SLC44A4: variants seen among roughly 807,000 people sequenced by gnomAD.
SLC44A4 encodes choline transporter-like protein 4.
Under a neutral mutation model 97.0 loss-of-function variants are expected in SLC44A4, and 74 were observed. The ratio of observed to expected loss-of-function variants is 0.76; its 90% confidence interval spans 0.63 to 0.93. SLC44A4 has a LOEUF of 0.93. Among genes scored for constraint, SLC44A4 ranks in the 40% least tolerant of loss-of-function variants. SLC44A4 has a pLI of 0.00. For synonymous variants in SLC44A4, 325 were observed against 363.8 expected, an observed-to-expected ratio of 0.89 and a Z score of 1.21; for missense variants, 799 against 902.9, an observed-to-expected ratio of 0.88 and a Z score of 1.48.
rs139832355 is a variant in SLC44A4, at chr6:31,870,689, C to T, written c.951G>A (p.Ala317=). 112 of 1,611,240 alleles carry T rather than the reference C, an allele frequency of 7.0e-5. No individual in the cohort carries two copies. The highest frequency in any genetic ancestry group is 9.1e-5 in the Non-Finnish European group (107 of 1,179,232). The change falls in exon 11 of 21, where the codon GCG becomes GCA. Residue 317 remains alanine (A), a synonymous_variant. Transcript: ENST00000229729. ...TCAGCAGCAGGATGGCTTCAAGCACCGCCAACACGATCACTGCAGAGGACG... is the reference window on the plus strand; with the variant it reads ...TCAGCAGCAGGATGGCTTCAAGCACTGCCAACACGATCACTGCAGAGGACG... ...ETWLAALIVL[A]VLEAILLLML...
Position 31,878,574 on chromosome 6 carries a change from G to A in SLC44A4, c.40+367C>T, listed in dbSNP as rs907046429. Among the ~76,000 whole-genome samples the A allele has an allele frequency of 1.3e-5, 2 of 152,072 alleles. No homozygotes were observed. Among genetic ancestry groups the A allele is most frequent in the African/African-American group, 4.8e-5 (2 of 41,412 alleles). On this transcript the variant is annotated intron_variant, in intron 1 of 20. Coordinates refer to ENST00000229729, the MANE Select transcript of SLC44A4 (RefSeq NM_025257.3). The surrounding 1 kb of genome is among the most constrained non-coding windows in gnomAD (Gnocchi z 4.0). Reference sequence around the variant, plus strand: ...CAGCACAGGACACTCCCAGCATCCAGCCCTATTCTGCTCAGGGCCCCAACC... The same window carrying A: ...CAGCACAGGACACTCCCAGCATCCAACCCTATTCTGCTCAGGGCCCCAACC...
Position 31,864,754 on chromosome 6 carries a change from T to C in SLC44A4, c.1927-18A>G. The C allele has an allele frequency of 6.2e-7, 1 of 1,613,690 alleles. No homozygotes were observed. ...ATGGAGGTCTGGAAGACATGACCCGTTGGGGTTATTGGGTTCCTCTGGGGA... is the reference window on the plus strand; with the variant it reads ...ATGGAGGTCTGGAAGACATGACCCGCTGGGGTTATTGGGTTCCTCTGGGGA... On this transcript the variant is annotated intron_variant, in intron 19 of 20. Coordinates refer to ENST00000229729, the MANE Select transcript of SLC44A4 (RefSeq NM_025257.3).
In SLC44A4 at chr6:31,865,300, G is replaced by C. The variant is rs745870866; in HGVS notation, c.1760+15C>G. ...CAGAGGAGGGAGCCACAAAGCGGGG[G>C]GGGAGCAGCCTAACCTGACAATGTT... On this transcript the variant is annotated intron_variant, in intron 17 of 20. Transcript: ENST00000229729. The surrounding 1 kb of genome is among the most constrained non-coding windows in gnomAD (Gnocchi z 5.2). 8 of 1,613,948 alleles carry C rather than the reference G, an allele frequency of 5.0e-6. No homozygotes were observed. The highest frequency in any genetic ancestry group is 1.7e-5 in the Admixed American group (1 of 60,000).
At position 31,877,154 on chromosome 6, in the gene SLC44A4, C is replaced by T. The variant is rs1763493359; in HGVS notation, c.41-72G>A. 6.7e-7 allele frequency: 1 copy of T among 1,485,912 alleles called. No individual in the cohort carries two copies. The highest frequency in any genetic ancestry group is 1.4e-5 in the African/African-American group (1 of 72,572). The allele number at this position is 1,485,912 out of a possible 1,614,324, so 92.0% of individuals were successfully genotyped here. On this transcript the variant is annotated intron_variant, in intron 1 of 20. Transcript: ENST00000229729. This position sits in a 1 kb window ranked among gnomAD's most constrained non-coding sequence, Gnocchi z 6.5. ...ATCTTGTCCTGCTGAGTCCTCCTAG[C>T]CCCAGGATCCTACCCAGGCCTCAGG...
At chr6:31,873,526 C>T (rs763547299) in intron 7 of SLC44A4, among the ~76,000 whole-genome samples, 6 of 151,656 alleles carry the variant, frequency 4.0e-5, no homozygotes, top group Non-Finnish European at 7.4e-5. Flanking sequence ...AACTGGGTGT[C>T]GGGGCTCATG....
intron 7 of SLC44A4, among the ~76,000 whole-genome samples, chr6:31,873,733 A>G (rs1763295922): frequency 6.6e-6 from 1 of 151,920 alleles, no homozygotes; most frequent in Admixed American, 6.6e-5. Flanking sequence ...CACTTATAAC[A>G]TTTGAACAAA....
At position 31,878,669 on chromosome 6, in the gene SLC44A4, AC is replaced by A. The variant is rs554382946; in HGVS notation, c.40+271del. On this transcript the variant is annotated intron_variant, in intron 1 of 20. Transcript: ENST00000229729. This position sits in a 1 kb window ranked among gnomAD's most constrained non-coding sequence, Gnocchi z 4.0. ...GGGACCCAGAGTCCAGGCCTGAAATACCCCCCTCCTCCCAAGGACCTCAGCC... is the reference window on the plus strand; with the variant it reads ...GGGACCCAGAGTCCAGGCCTGAAATACCCCCTCCTCCCAAGGACCTCAGCC... Among the ~76,000 whole-genome samples, 83 of 145,930 alleles carry A rather than the reference AC, an allele frequency of 5.7e-4. 1 individual carries two copies. The East Asian group carries it at 0.015, about 27-fold the overall frequency.
At chr6:31,869,087 G>T in intron 13 of SLC44A4, 68 bp downstream of exon 13, 9 of 1,300,712 alleles carry the variant, frequency 6.9e-6, no homozygotes, top group Non-Finnish European at 9.6e-6. Context: ...TCTGCACAAT[G>T]AGGAATGTGG....
Position 31,864,594 on chromosome 6 carries a change from ATGCTTG to A in SLC44A4, c.2011+52_2011+57del. 18 of 1,488,052 alleles carry A rather than the reference ATGCTTG, an allele frequency of 1.2e-5. No homozygotes were observed. The South Asian group carries it at 1.3e-4, about 11-fold the overall frequency. The allele number at this position is 1,488,052 out of a possible 1,614,324, so 92.2% of individuals were successfully genotyped here. ...ACCAAATCTCCAAAAAAAAAAAAAA[ATGCTTG>A]AACGGCTCAGTACTTTAAGGTTGGG... On this transcript the variant is annotated intron_variant, in intron 20 of 20. Transcript: ENST00000229729.
At chr6:31,869,724 G>A (rs1156781397) in intron 11 of SLC44A4, 87 bp from the exon 12 acceptor site, 24 of 991,770 alleles carry the variant, frequency 2.4e-5, no homozygotes, top group African/African-American at 6.4e-5. Flanking sequence ...AGTGGCTCAC[G>A]CCTGTAATCC....
At chr6:31,875,491 C>T (rs1480323182) in intron 4 of SLC44A4, among the ~76,000 whole-genome samples, 2 of 152,146 alleles carry the variant, frequency 1.3e-5, no homozygotes, top group East Asian at 1.9e-4. Flanking sequence ...CTGGAATTCC[C>T]CTTGAATTTC....
intron 13 of SLC44A4, 94 bp from the exon 14 acceptor site, chr6:31,866,220 A>C (rs1412625427): frequency 6.8e-7 from 1 of 1,477,060 alleles, no homozygotes; most frequent in Non-Finnish European, 9.1e-7. Context: ...TGCCCCTCCC[A>C]GAGTTGACAG....
In SLC44A4 at chr6:31,874,745, A is replaced by G; in HGVS notation, c.444T>C (p.Cys148=). The change falls in exon 6 of 21, where the codon TGT becomes TGC. Residue 148 remains cysteine (C), a synonymous_variant. Transcript: ENST00000229729. The surrounding 1 kb of genome is among the most constrained non-coding windows in gnomAD (Gnocchi z 4.8). ...CCATATTCCAGGGTACCCCTGGCAG[A>G]CAAAAGTTCCTGTTTTTTGTATAGA... is the stretch of plus-strand genomic sequence containing the variant. The part of the protein sequence containing the change: ...EVFYTKNRNF[C]LPGVPWNMTV... 1 of 1,613,540 alleles carries G rather than the reference A, an allele frequency of 6.2e-7. No homozygotes were observed. Among genetic ancestry groups the G allele is most frequent in the Non-Finnish European group, 8.5e-7 (1 of 1,179,688 alleles).
At chr6:31,867,694 CCAGCCTGTGTAA>C (rs1762936587) in intron 13 of SLC44A4, among the ~76,000 whole-genome samples, 2 of 151,516 alleles carry the variant, frequency 1.3e-5, no homozygotes, top group Non-Finnish European at 2.9e-5. Flanking sequence ...TCACTGCACT[CCAGCCTGTGTAA>C]CAGCCTTTTT....
In SLC44A4 at chr6:31,865,455, C is replaced by A. The variant is rs765697281; in HGVS notation, c.1686+43G>T. 1 of 1,612,512 alleles carries A rather than the reference C, an allele frequency of 6.2e-7. No individual in the cohort carries two copies. Among genetic ancestry groups the A allele is most frequent in the East Asian group, 2.2e-5 (1 of 44,874 alleles). ...CTGGACCAGGATGGGGGTGTCTAGA[C>A]CAAAGGGCACCAGAACAAAGGGTTG... On this transcript the variant is annotated intron_variant, in intron 16 of 20. Transcript: ENST00000229729. The surrounding 1 kb of genome is among the most constrained non-coding windows in gnomAD (Gnocchi z 5.2).
In SLC44A4 at chr6:31,870,611, C is replaced by G. The variant is rs527803309; in HGVS notation, c.1029G>C (p.Glu343Asp). 1 of 1,599,310 alleles carries G rather than the reference C, an allele frequency of 6.3e-7. No homozygotes were observed. The highest frequency in any genetic ancestry group is 8.5e-7 in the Non-Finnish European group (1 of 1,173,864). The change falls in exon 11 of 21, where the codon GAG becomes GAC. Residue 343 changes from glutamate to aspartate, a missense_variant. This residue lies in a region of SLC44A4 where 11 missense variants were observed against 30.5 expected (regional missense o/e 0.36). Coordinates refer to ENST00000229729, the MANE Select transcript of SLC44A4 (RefSeq NM_025257.3). ...RIRIAIALLK[E>D]ASKAVGQMMS... ...CCCAGGCAGGCCCTAACTTGCTGGC[C>G]TCCTTCAGGAGGGCGATGGCAATAC...
In SLC44A4 at chr6:31,876,723, T is replaced by G. The variant is rs1046795241; in HGVS notation, c.89+311A>C. Reference sequence around the variant, plus strand: ...AAACACAAAAAGAAAGAAAACCTTTTTCTGGGTGGGTAAACTTTCTTCTGA... The same window carrying G: ...AAACACAAAAAGAAAGAAAACCTTTGTCTGGGTGGGTAAACTTTCTTCTGA... On this transcript the variant is annotated intron_variant, in intron 2 of 20. Transcript: ENST00000229729. This position sits in a 1 kb window ranked among gnomAD's most constrained non-coding sequence, Gnocchi z 4.8. 6.6e-6 allele frequency among the ~76,000 whole-genome samples: 1 copy of G among 152,112 alleles called. No homozygotes were observed. Among genetic ancestry groups the G allele is most frequent in the African/African-American group, 2.4e-5 (1 of 41,412 alleles).
In SLC44A4 at chr6:31,870,836, C is replaced by T. The variant is rs774489026; in HGVS notation, c.913G>A (p.Val305Met). ...CGGGCGGCCAGCCAGGTCTCCTGCA[C>T]GCTCTGGTAGGCACTGAGGTTGGTG... is the stretch of plus-strand genomic sequence containing the variant. The part of the protein sequence containing the change: ...FTTNLSAYQS[V>M]QETWLAALIV... The change falls in exon 10 of 21, where the codon GTG (valine) becomes ATG (methionine). Residue 305 changes from valine to methionine, a missense_variant. By Grantham distance (21) the Val-to-Met change is conservative. Transcript: ENST00000229729. 12 of 1,612,936 alleles carry T rather than the reference C, an allele frequency of 7.4e-6. No homozygotes were observed. The African/African-American group carries it at 1.2e-4, about 16-fold the overall frequency.
intron 13 of SLC44A4, 125 bp from the exon 14 acceptor site, chr6:31,866,251 A>T: frequency 8.0e-7 from 1 of 1,251,966 alleles, no homozygotes; most frequent in Non-Finnish European, 1.1e-6. Flanking sequence ...GCTTCTCTGG[A>T]CTGCGGGAAT....
Sources: allele counts gnomAD v4.1 joint callset (sites outside exome capture counted in the v4.1 genomes callset), GRCh38; gene constraint gnomAD v4.1.1; regional missense constraint gnomAD v4.1.1; non-coding constraint Gnocchi (gnomAD v3.1); transcripts MANE v1.5; gene names NCBI Gene and HGNC (gene_info 2026-07-23, HGNC 2026-07-21).